The following RABGAP1L variants were observed in gnomAD, a reference collection of about 807,000 sequenced individuals.
RABGAP1L encodes RAB GTPase activating protein 1 like.
RABGAP1L carries 63 observed loss-of-function variants against 137.7 expected under a neutral mutation model. That is an observed-to-expected ratio of 0.46 (90% CI 0.37 to 0.56). The LOEUF is 0.56. RABGAP1L is among the 20% of genes least tolerant of loss of function. The probability of loss-of-function intolerance (pLI) is 0.00; values close to 1 mark genes in which losing one functional copy is unlikely to be tolerated. For missense variants in RABGAP1L, 1,095 were observed against 1,244.0 expected (o/e 0.88, Z 1.80); for synonymous variants, 431 against 433.7 (o/e 0.99, Z 0.08).
chr1:174,230,246 G>A (rs1226616684), intron 3 of RABGAP1L, among the ~76,000 whole-genome samples: 3 of 146,962 alleles, frequency 2.0e-5, no homozygotes, highest in Admixed American at 6.8e-5. Context: ...GGGGCATGTT[G>A]TGAGGTGGGG....
intron 19 of RABGAP1L, among the ~76,000 whole-genome samples, chr1:174,949,702 A>G (rs1335104219): frequency 2.6e-5 from 4 of 152,246 alleles, no homozygotes; most frequent in African/African-American, 9.6e-5. Flanking sequence ...TTGTCAACAC[A>G]TAGTACAGAA....
At chr1:174,395,569 T>C (rs1647739838) in intron 13 of RABGAP1L, among the ~76,000 whole-genome samples, 1 of 152,164 alleles carries the variant, frequency 6.6e-6, no homozygotes, top group Non-Finnish European at 1.5e-5. Flanking sequence ...CTCTTACATC[T>C]TCACACTTAA....
chr1:174,183,279 GC>G (rs1331924177), intron 1 of RABGAP1L, among the ~76,000 whole-genome samples: 1 of 152,108 alleles, frequency 6.6e-6, no homozygotes, highest in Non-Finnish European at 1.5e-5. Context: ...TCACTCTTTT[GC>G]CCAGGCCCTG....
At chr1:174,384,589 T>G (rs1276470765) in intron 12 of RABGAP1L, among the ~76,000 whole-genome samples, 1 of 152,204 alleles carries the variant, frequency 6.6e-6, no homozygotes, top group Admixed American at 6.5e-5. Context: ...TTCTTTTCTC[T>G]TGTCAGAACA....
intron 13 of RABGAP1L, among the ~76,000 whole-genome samples, chr1:174,589,881 G>C (rs1233726414): frequency 1.3e-5 from 2 of 152,110 alleles, no homozygotes; most frequent in East Asian, 3.8e-4. Flanking sequence ...ATAATTTGAA[G>C]TCAGGTAATG....
intron 1 of RABGAP1L, among the ~76,000 whole-genome samples, chr1:174,161,896 T>C (rs1417567881): frequency 1.3e-5 from 2 of 152,100 alleles, no homozygotes; most frequent in Non-Finnish European, 2.9e-5. Context: ...ACCTGGCTAA[T>C]TTTTTGTTTT....
chr1:174,246,140 A>C (rs1474142753), intron 5 of RABGAP1L: 2 of 152,218 alleles, frequency 1.3e-5, no homozygotes, highest in East Asian at 3.8e-4. Context: ...AAAAGAAAAT[A>C]AAAGGTGCTT....
chr1:174,890,499 A>G (rs1655948105), intron 19 of RABGAP1L, among the ~76,000 whole-genome samples: 1 of 152,214 alleles, frequency 6.6e-6, no homozygotes, highest in Non-Finnish European at 1.5e-5. Context: ...AAAGATGTAG[A>G]CACTTTTTAA....
chr1:174,578,281 C>A (rs1306699837), intron 13 of RABGAP1L, among the ~76,000 whole-genome samples: 1 of 152,132 alleles, frequency 6.6e-6, no homozygotes, highest in South Asian at 2.1e-4. Context: ...ACCTCCCAGG[C>A]TCAAGCAGTC....
chr1:174,476,476 G>T (rs1033177723), intron 13 of RABGAP1L, among the ~76,000 whole-genome samples: 3 of 151,992 alleles, frequency 2.0e-5, no homozygotes, highest in African/African-American at 7.2e-5. Context: ...AAACACAAGA[G>T]ATTTATGAAT....
At chr1:174,860,341 C>T (rs1650075472) in intron 19 of RABGAP1L, among the ~76,000 whole-genome samples, 1 of 152,062 alleles carries the variant, frequency 6.6e-6, no homozygotes, top group Non-Finnish European at 1.5e-5. Flanking sequence ...GTGGTACACA[C>T]CTACTGTCCC....
chr1:174,705,960 TGGAA>T (rs1680012186), intron 17 of RABGAP1L, among the ~76,000 whole-genome samples: 1 of 152,162 alleles, frequency 6.6e-6, no homozygotes, highest in African/African-American at 2.4e-5. Flanking sequence ...TACTTAAAAA[TGGAA>T]GGATAGGAAG....
intron 13 of RABGAP1L, among the ~76,000 whole-genome samples, chr1:174,440,113 T>C (rs1653947904): frequency 6.6e-6 from 1 of 152,062 alleles, no homozygotes; most frequent in Non-Finnish European, 1.5e-5. Context: ...GCAAATATAT[T>C]TGTGACTGGT....
intron 18 of RABGAP1L, among the ~76,000 whole-genome samples, chr1:174,777,266 C>G (rs1175712311): frequency 1.3e-5 from 2 of 152,196 alleles, no homozygotes; most frequent in African/African-American, 4.8e-5. Flanking sequence ...TCCATGAGAT[C>G]ATTCACAGAC....
At chr1:174,699,866 T>G (rs544906523) in intron 16 of RABGAP1L, among the ~76,000 whole-genome samples, 49 of 152,330 alleles carry the variant, frequency 3.2e-4, no homozygotes, top group African/African-American at 1.1e-3. Context: ...TTTTAAATGT[T>G]CAAGTTAAAT....
chr1:174,229,772 G>T (rs1261497490), intron 3 of RABGAP1L, among the ~76,000 whole-genome samples: 1 of 152,108 alleles, frequency 6.6e-6, no homozygotes, highest in Non-Finnish European at 1.5e-5. Flanking sequence ...AATACTTTGG[G>T]TATATACCCA....
chr1:174,650,504 AT>A (rs199841874), intron 14 of RABGAP1L, among the ~76,000 whole-genome samples: 11,868 of 152,108 alleles, frequency 0.078, 636 homozygotes, highest in East Asian at 0.32. Context: ...TATTGCCACA[AT>A]TTCAGAGCCT....
intron 19 of RABGAP1L, among the ~76,000 whole-genome samples, chr1:174,867,071 G>C (rs922339375): frequency 2.0e-5 from 3 of 151,856 alleles, no homozygotes; most frequent in African/African-American, 7.3e-5. Flanking sequence ...CTGGGCAACA[G>C]AGAGAAACCC....
chr1:174,523,462 T>C (rs1325378803), intron 13 of RABGAP1L, among the ~76,000 whole-genome samples: 1 of 152,222 alleles, frequency 6.6e-6, no homozygotes, highest in Non-Finnish European at 1.5e-5. Context: ...GGGGAGATGA[T>C]AGAAAATGAA....
Sources: allele counts gnomAD v4.1 joint callset (sites outside exome capture counted in the v4.1 genomes callset), GRCh38; gene constraint gnomAD v4.1.1; transcripts MANE v1.5; gene names NCBI Gene and HGNC (gene_info 2026-07-23, HGNC 2026-07-21).